Variants in FARS2 observed in about 807,000 individuals in gnomAD.
FARS2 encodes the protein phenylalanyl-tRNA synthetase 2, mitochondrial.
FARS2 carries 40 observed loss-of-function variants against 46.4 expected under a neutral mutation model. That is an observed-to-expected ratio of 0.86 (90% confidence interval 0.67 to 1.12). The LOEUF is 1.12. Among genes scored for constraint, FARS2 ranks in the 50% most tolerant of loss-of-function variants. The pLI is 0.00. For missense variants in FARS2, 513 were observed against 567.9 expected, an observed-to-expected ratio of 0.90 and a Z score of 0.98; for synonymous variants, 234 against 214.9, an observed-to-expected ratio of 1.09 and a Z score of -0.78.
chr6:5,480,262 C>G (rs1766375078), intron 4 of FARS2, among the ~76,000 whole-genome samples: 1 of 151,988 alleles, frequency 6.6e-6, no homozygotes. Flanking sequence ...AAATATGAAG[C>G]CTTCAAATTA....
intron 2 of FARS2, among the ~76,000 whole-genome samples, chr6:5,398,943 G>A (rs572551405): frequency 9.4e-4 from 143 of 151,964 alleles, no homozygotes; most frequent in Non-Finnish European, 1.7e-3. Flanking sequence ...TACAATATTT[G>A]CTATGTTTAT....
At chr6:5,452,841 A>T (rs1376970052) in intron 4 of FARS2, 2 of 152,222 alleles carry the variant, frequency 1.3e-5, no homozygotes, top group Non-Finnish European at 2.9e-5. Flanking sequence ...GACCTGGGCA[A>T]GTAGAACTGA....
chr6:5,328,909 TTTCATACTCC>T (rs1392193640), intron 1 of FARS2, among the ~76,000 whole-genome samples: 1 of 152,204 alleles, frequency 6.6e-6, no homozygotes, highest in African/African-American at 2.4e-5. Context: ...AGAGCTCGTT[TTTCATACTCC>T]TTCCCCAGAC....
At chr6:5,364,243 G>A (rs927431147) in intron 1 of FARS2, among the ~76,000 whole-genome samples, 8 of 152,120 alleles carry the variant, frequency 5.3e-5, no homozygotes, top group Non-Finnish European at 1.2e-4. Flanking sequence ...TTCATTATGA[G>A]ATAAGTATTA....
At chr6:5,291,205 C>T (rs1767480901) in intron 1 of FARS2, 1 of 152,224 alleles carries the variant, frequency 6.6e-6, no homozygotes, top group African/African-American at 2.4e-5. Flanking sequence ...AGTTCCTAGT[C>T]ATTTTGATTA....
At chr6:5,421,310 A>G (rs1225017007) in intron 3 of FARS2, among the ~76,000 whole-genome samples, 1 of 152,018 alleles carries the variant, frequency 6.6e-6, no homozygotes, top group Non-Finnish European at 1.5e-5. Context: ...CAGCATGGGG[A>G]CCCTGGGCCT....
At chr6:5,399,127 T>TTTATTATTA (rs56236107) in intron 2 of FARS2, among the ~76,000 whole-genome samples, 18 of 125,842 alleles carry the variant, frequency 1.4e-4, no homozygotes, top group African/African-American at 3.5e-4. Context: ...TTTATATTAT[T>TTTATTATTA]TTATTATTAT....
chr6:5,540,375 A>G (rs1353657702), intron 4 of FARS2, among the ~76,000 whole-genome samples: 3 of 152,216 alleles, frequency 2.0e-5, no homozygotes. Context: ...TGAAACTGGT[A>G]TTCAGTGTCT....
chr6:5,297,916 C>G (rs1046203303), intron 1 of FARS2, among the ~76,000 whole-genome samples: 1 of 152,224 alleles, frequency 6.6e-6, no homozygotes, highest in South Asian at 2.1e-4. Context: ...CATCTCCACT[C>G]TACCCATTCC....
At chr6:5,650,445 T>C (rs755461501) in intron 6 of FARS2, among the ~76,000 whole-genome samples, 10 of 152,288 alleles carry the variant, frequency 6.6e-5, no homozygotes, top group Middle Eastern at 6.8e-3. Context: ...AGCACCATTA[T>C]AATTTAAAAA....
chr6:5,284,071 T>A (rs555214019), intron 1 of FARS2, among the ~76,000 whole-genome samples: 1 of 152,354 alleles, frequency 6.6e-6, no homozygotes, highest in East Asian at 1.9e-4. Flanking sequence ...TATCAAACAA[T>A]TTGATCTTTC....
intron 6 of FARS2, among the ~76,000 whole-genome samples, chr6:5,619,467 G>T (rs1298788440): frequency 6.6e-6 from 1 of 152,132 alleles, no homozygotes; most frequent in Non-Finnish European, 1.5e-5. Context: ...GGGGCTTCCT[G>T]AGTCTGTGCA....
chr6:5,474,102 A>G (rs929711577), intron 4 of FARS2, among the ~76,000 whole-genome samples: 3 of 152,096 alleles, frequency 2.0e-5, no homozygotes, highest in Non-Finnish European at 4.4e-5. Context: ...TGTCCTTCAT[A>G]CCCATCAAAC....
rs1041785845 is a variant in FARS2, at chr6:5,411,883, C to A, written c.772+7182C>A. Among the ~76,000 whole-genome samples the A allele has an allele frequency of 5.9e-5, 9 of 152,096 alleles. No homozygotes were observed. The East Asian group carries it at 1.7e-3, about 29-fold the overall frequency. On this transcript the variant is annotated intron_variant, in intron 3 of 6. Transcript: ENST00000274680. ...TGTTTTCTGTATATTTTGTACTGTG[C>A]TTAGTAGATCATTTCTTTCAGAGTA... is the stretch of plus-strand genomic sequence containing the variant.
At chr6:5,627,270 C>G (rs1198746905) in intron 6 of FARS2, among the ~76,000 whole-genome samples, 2 of 152,098 alleles carry the variant, frequency 1.3e-5, no homozygotes, top group Non-Finnish European at 2.9e-5. Context: ...GAAGGCATAC[C>G]CTGCAGTAGG....
At chr6:5,725,244 A>G (rs757765082) in intron 6 of FARS2, among the ~76,000 whole-genome samples, 1 of 152,190 alleles carries the variant, frequency 6.6e-6, no homozygotes, top group Non-Finnish European at 1.5e-5. Flanking sequence ...GACTTTGAAC[A>G]TGGGCGCTGG....
At chr6:5,566,426 G>A (rs755600639) in intron 5 of FARS2, among the ~76,000 whole-genome samples, 21 of 152,270 alleles carry the variant, frequency 1.4e-4, no homozygotes, top group Admixed American at 5.2e-4. Flanking sequence ...GAACAGAGCC[G>A]TTGATTTTGA....
At chr6:5,594,891 C>T (rs575997193) in intron 5 of FARS2, among the ~76,000 whole-genome samples, 2 of 152,170 alleles carry the variant, frequency 1.3e-5, no homozygotes, top group South Asian at 2.1e-4. Context: ...GTATAGGAGC[C>T]GTGTTGCTGA....
chr6:5,357,109 A>C (rs575995075), intron 1 of FARS2, among the ~76,000 whole-genome samples: 1 of 152,220 alleles, frequency 6.6e-6, no homozygotes, highest in African/African-American at 2.4e-5. Flanking sequence ...GAATTATAAA[A>C]TAAAAAGTTG....
Sources: allele counts gnomAD v4.1 joint callset (sites outside exome capture counted in the v4.1 genomes callset), GRCh38; gene constraint gnomAD v4.1.1; transcripts MANE v1.5; gene names NCBI Gene and HGNC (gene_info 2026-07-23, HGNC 2026-07-21).